Variants in CAMK2D observed in about 807,000 individuals in gnomAD.
CAMK2D encodes the protein calcium/calmodulin dependent protein kinase II delta.
CAMK2D carries 37 observed loss-of-function variants against 84.0 expected under a neutral mutation model. That is an observed-to-expected ratio of 0.44 (90% CI 0.34 to 0.58). The LOEUF (loss-of-function observed/expected upper bound fraction) is 0.58. CAMK2D is among the 20% of genes least tolerant of loss of function. CAMK2D has a pLI of 0.02. For missense variants in CAMK2D, 448 were observed against 652.5 expected (o/e 0.69, Z 3.41); for synonymous variants, 202 against 212.5 (o/e 0.95, Z 0.43).
chr4:113,524,506 C>T (rs1005689039), intron 8 of CAMK2D, among the ~76,000 whole-genome samples: 2 of 152,154 alleles, frequency 1.3e-5, no homozygotes, highest in African/African-American at 2.4e-5. Context: ...TACAATTATA[C>T]GTATAAACCA....
chr4:113,693,193 A>C (rs2099393340), intron 2 of CAMK2D, among the ~76,000 whole-genome samples: 1 of 152,082 alleles, frequency 6.6e-6, no homozygotes, highest in Non-Finnish European at 1.5e-5. Context: ...TAATCTCCTC[A>C]AGCAGCAGTC....
chr4:113,687,441 T>C (rs1294569198), intron 2 of CAMK2D, among the ~76,000 whole-genome samples: 1 of 152,164 alleles, frequency 6.6e-6, no homozygotes, highest in African/African-American at 2.4e-5. Flanking sequence ...TCAGATGGCT[T>C]AACCAACTAG....
intron 4 of CAMK2D, among the ~76,000 whole-genome samples, chr4:113,558,322 A>T (rs1363805858): frequency 1.3e-5 from 2 of 152,232 alleles, no homozygotes; most frequent in South Asian, 2.1e-4. Flanking sequence ...TCTTGAAGTC[A>T]TTAATTTTTA....
chr4:113,590,575 G>A (rs1469108986), intron 4 of CAMK2D, among the ~76,000 whole-genome samples: 1 of 152,086 alleles, frequency 6.6e-6, no homozygotes, highest in Non-Finnish European at 1.5e-5. Flanking sequence ...GAAGAAAGAT[G>A]AACAAGATCA....
intron 2 of CAMK2D, among the ~76,000 whole-genome samples, chr4:113,704,726 C>T (rs899561478): frequency 2.0e-5 from 3 of 151,918 alleles, no homozygotes; most frequent in Admixed American, 6.6e-5. Context: ...CGTGAATCCA[C>T]AAAAGTTTAT....
chr4:113,556,356 G>A (rs148113137), intron 4 of CAMK2D, among the ~76,000 whole-genome samples: 3 of 152,226 alleles, frequency 2.0e-5, no homozygotes, highest in African/African-American at 4.8e-5. Context: ...TAAGACAAGG[G>A]GCTCGGAATA....
rs115244548 is a variant in CAMK2D at position 113,676,873 on chromosome 4, T to C, written c.161-15101A>G. Among the ~76,000 whole-genome samples, 333 of 152,360 alleles carry C rather than the reference T, an allele frequency of 2.2e-3. 3 individuals carry two copies. Among genetic ancestry groups the C allele is most frequent in the African/African-American group, 7.7e-3 (320 of 41,580 alleles). ...CAATCTATAACTGATTCACTCTAAT[T>C]GTTTCTCTGGGTCTTCATTTCTTCA... On this transcript the variant is annotated intron_variant, in intron 2 of 20. Coordinates refer to ENST00000511664, the MANE Select transcript of CAMK2D (RefSeq NM_001321571.2).
chr4:113,578,566 G>A (rs183786621), intron 4 of CAMK2D, among the ~76,000 whole-genome samples: 45 of 152,278 alleles, frequency 3.0e-4, no homozygotes, highest in Non-Finnish European at 5.4e-4. Context: ...AGTTTTGCTC[G>A]TTTGGTAGGT....
rs903008997 is a variant in CAMK2D, at chr4:113,728,873, C to A, written c.160+30447G>T. 2.6e-5 allele frequency among the ~76,000 whole-genome samples: 4 copies of A among 152,120 alleles called. No individual in the cohort carries two copies. In the South Asian group the frequency reaches 6.2e-4, roughly 24 times the overall value. ...AGAGAGTCTGCTTAGAAAACCTTCA[C>A]TATTATTAATTCATTATTAATAAAA... is the stretch of plus-strand genomic sequence containing the variant. On this transcript the variant is annotated intron_variant, in intron 2 of 20. Coordinates refer to ENST00000511664, the MANE Select transcript of CAMK2D (RefSeq NM_001321571.2).
chr4:113,550,213 T>G (rs2098615415), intron 5 of CAMK2D, among the ~76,000 whole-genome samples: 1 of 152,224 alleles, frequency 6.6e-6, no homozygotes, highest in Non-Finnish European at 1.5e-5. Flanking sequence ...AGGGTCTCAC[T>G]CTGTCGCCCA....
intron 2 of CAMK2D, among the ~76,000 whole-genome samples, chr4:113,737,721 G>A (rs1241663531): frequency 6.6e-6 from 1 of 151,882 alleles, no homozygotes; most frequent in Non-Finnish European, 1.5e-5. Context: ...TTTTTGTTAA[G>A]GCATAATAGC....
At chr4:113,747,320 A>T (rs115143758) in intron 2 of CAMK2D, among the ~76,000 whole-genome samples, 71,879 of 117,320 alleles carry the variant, frequency 0.61, 17,827 homozygotes, top group African/African-American at 0.68. Flanking sequence ...TTTTTTTTTT[A>T]AATTCAATAG....
At chr4:113,491,488 G>A (rs1316188177) in intron 16 of CAMK2D, among the ~76,000 whole-genome samples, 1 of 151,796 alleles carries the variant, frequency 6.6e-6, no homozygotes, top group Non-Finnish European at 1.5e-5. Context: ...TCCCAGGGAT[G>A]AAGCCCACTT....
chr4:113,735,714 C>G (rs1255015302), intron 2 of CAMK2D, among the ~76,000 whole-genome samples: 1 of 151,878 alleles, frequency 6.6e-6, no homozygotes, highest in African/African-American at 2.4e-5. Context: ...TTGTAAGAAA[C>G]AGTAAGGTGG....
At chr4:113,583,364 C>G (rs1391596948) in intron 4 of CAMK2D, among the ~76,000 whole-genome samples, 1 of 152,172 alleles carries the variant, frequency 6.6e-6, no homozygotes, top group Non-Finnish European at 1.5e-5. Flanking sequence ...CCGCTCTCTG[C>G]AATAACAGAA....
chr4:113,630,418 G>T (rs776823041), intron 3 of CAMK2D, among the ~76,000 whole-genome samples: 1 of 152,072 alleles, frequency 6.6e-6, no homozygotes, highest in Non-Finnish European at 1.5e-5. Context: ...TAGGATTGTT[G>T]ACTGCAAACA....
At chr4:113,534,855 C>T (rs1192130746) in intron 7 of CAMK2D, among the ~76,000 whole-genome samples, 1 of 152,102 alleles carries the variant, frequency 6.6e-6, no homozygotes, top group Non-Finnish European at 1.5e-5. Context: ...GTGACTTGCT[C>T]AATATCATAC....
intron 2 of CAMK2D, among the ~76,000 whole-genome samples, chr4:113,732,860 A>G (rs559318161): frequency 6.6e-6 from 1 of 152,282 alleles, no homozygotes; most frequent in East Asian, 1.9e-4. Flanking sequence ...CAAAATATAT[A>G]TATATTAGGA....
At chr4:113,470,673 C>T (rs2097536942) in intron 16 of CAMK2D, among the ~76,000 whole-genome samples, 1 of 151,726 alleles carries the variant, frequency 6.6e-6, no homozygotes, top group Non-Finnish European at 1.5e-5. Flanking sequence ...TTCCCTGAGC[C>T]TCATGTTAGG....
Sources: gnomAD v4.1 joint callset for allele counts (sites outside exome capture counted in the v4.1 genomes callset) on GRCh38, gnomAD v4.1.1 for gene constraint, MANE v1.5 for transcripts, NCBI Gene and HGNC (gene_info 2026-07-23, HGNC 2026-07-21) for gene names.